Variants in RBFOX1 observed in about 807,000 individuals in gnomAD.
RBFOX1 encodes the protein RNA binding protein fox-1 homolog 1.
In RBFOX1, 8 loss-of-function variants were observed where a neutral mutation model predicts 57.7. That is an observed-to-expected ratio of 0.14 (90% CI 0.08 to 0.25). The LOEUF is 0.25. Among genes scored for constraint, RBFOX1 ranks in the 10% least tolerant of loss-of-function variants. RBFOX1 has a pLI of 1.00. For missense variants in RBFOX1, 611 were observed against 548.5 expected, an observed-to-expected ratio of 1.11 and a Z score of -1.14; for synonymous variants, 326 against 222.4, an observed-to-expected ratio of 1.47 and a Z score of -4.15.
At chr16:5,451,533 A>G (rs2068425903) in intron 1 of RBFOX1, among the ~76,000 whole-genome samples, 1 of 152,232 alleles carries the variant, frequency 6.6e-6, no homozygotes, top group African/African-American at 2.4e-5. Flanking sequence ...AGAGGACTCA[A>G]AGATGGAAGG....
chr16:7,139,265 A>T (rs2152083067), intron 4 of RBFOX1, among the ~76,000 whole-genome samples: 1 of 151,436 alleles, frequency 6.6e-6, no homozygotes, highest in Non-Finnish European at 1.5e-5. Context: ...TATTTTCATT[A>T]TAGCTACTCT....
intron 3 of RBFOX1, among the ~76,000 whole-genome samples, chr16:6,812,362 G>A (rs1488500606): frequency 1.3e-5 from 2 of 151,958 alleles, no homozygotes; most frequent in Admixed American, 6.6e-5. Flanking sequence ...GCAAAGTTTT[G>A]GTTCAGTTTC....
intron 1 of RBFOX1, among the ~76,000 whole-genome samples, chr16:6,134,142 G>T (rs868680595): frequency 2.2e-4 from 33 of 151,892 alleles, no homozygotes; most frequent in African/African-American, 8.0e-4. Flanking sequence ...TCACCATGTT[G>T]GCCAGGCTGG....
At chr16:6,637,564 T>TCTATATAGTATATATAGAATAC (rs756936561) in intron 2 of RBFOX1, among the ~76,000 whole-genome samples, 1 of 128,474 alleles carries the variant, frequency 7.8e-6, no homozygotes, top group Non-Finnish European at 1.6e-5. Context: ...ATATATAATA[T>TCTATATAGTATATATAGAATAC]TCTATATAGT....
intron 4 of RBFOX1, among the ~76,000 whole-genome samples, chr16:7,259,353 G>T (rs576117141): frequency 6.6e-6 from 1 of 152,072 alleles, no homozygotes; most frequent in Non-Finnish European, 1.5e-5. Context: ...AACCAAAAGC[G>T]AATGGGTTCC....
intron 3 of RBFOX1, among the ~76,000 whole-genome samples, chr16:7,047,889 TA>T (rs1215299485): frequency 6.6e-6 from 1 of 151,996 alleles, no homozygotes; most frequent in Non-Finnish European, 1.5e-5. Context: ...ATTAATTAAT[TA>T]TTTTTTTTGA....
intron 4 of RBFOX1, among the ~76,000 whole-genome samples, chr16:7,108,200 G>C (rs2151509275): frequency 6.6e-6 from 1 of 152,226 alleles, no homozygotes; most frequent in Non-Finnish European, 1.5e-5. Flanking sequence ...AACAGTCTCT[G>C]GGTCATCATG....
chr16:5,577,685 G>A (rs534156139), intron 2 of RBFOX1, among the ~76,000 whole-genome samples: 1 of 152,172 alleles, frequency 6.6e-6, no homozygotes, highest in African/African-American at 2.4e-5. Flanking sequence ...TGACTGTGCT[G>A]TACATTACAT....
rs1255508106 is a variant in RBFOX1 at position 6,976,688 on chromosome 16, CTATAGCATACATATCA to C, written c.-15-75348_-15-75333del. ...GATATATATATCATATATATCATAC[CTATAGCATACATATCA>C]TATAGCATACATATCATATATATCA... is the stretch of plus-strand genomic sequence containing the variant. On this transcript the variant is annotated intron_variant, in intron 3 of 15. Coordinates refer to ENST00000550418, the MANE Select transcript of RBFOX1 (RefSeq NM_018723.4). Among the ~76,000 whole-genome samples the C allele has an allele frequency of 1.2e-3, 182 of 148,224 alleles. 1 individual carries two copies. The highest frequency in any genetic ancestry group is 4.3e-3 in the Admixed American group (63 of 14,688).
intron 1 of RBFOX1, among the ~76,000 whole-genome samples, chr16:5,389,517 C>A (rs1468415784): frequency 3.3e-5 from 5 of 152,038 alleles, no homozygotes; most frequent in African/African-American, 1.2e-4. Flanking sequence ...CAAAGTCACT[C>A]CAGCTGAAAA....
intron 2 of RBFOX1, among the ~76,000 whole-genome samples, chr16:5,507,260 A>C (rs2043411255): frequency 6.6e-6 from 1 of 152,136 alleles, no homozygotes; most frequent in South Asian, 2.1e-4. Flanking sequence ...TGCTATTATT[A>C]TACCATTTGC....
chr16:5,599,096 G>T (rs1484045784), exon 3 of RBFOX1: 2 of 867,240 alleles, frequency 2.3e-6, no homozygotes, highest in Non-Finnish European at 3.7e-6. Context: ...AATTAACTGG[G>T]TTTGAGGGGA....
intron 2 of RBFOX1, among the ~76,000 whole-genome samples, chr16:6,527,355 C>T (rs2096595339): frequency 6.6e-6 from 1 of 151,888 alleles, no homozygotes; most frequent in South Asian, 2.1e-4. Flanking sequence ...TGTATCCTCT[C>T]CTTCCTTCCT....
intron 2 of RBFOX1, among the ~76,000 whole-genome samples, chr16:6,388,132 A>T (rs1199342196): frequency 6.6e-6 from 1 of 151,730 alleles, no homozygotes; most frequent in Non-Finnish European, 1.5e-5. Flanking sequence ...GGTGCATGCT[A>T]ATTTTTTGTA....
intron 2 of RBFOX1, among the ~76,000 whole-genome samples, chr16:6,409,124 A>T (rs2093377081): frequency 6.6e-6 from 1 of 152,222 alleles, no homozygotes; most frequent in African/African-American, 2.4e-5. Context: ...TATAACAAAT[A>T]AAAGTTTACT....
At chr16:5,715,654 T>A (rs4786768) in intron 3 of RBFOX1, among the ~76,000 whole-genome samples, 82,585 of 152,048 alleles carry the variant, frequency 0.54, 25,999 homozygotes, top group Non-Finnish European at 0.72. Context: ...GGTCAAGGCA[T>A]GAAGGCTAAA....
At position 6,658,950 on chromosome 16, in the gene RBFOX1, T is replaced by G. The variant is rs552285323; in HGVS notation, c.-16+4300T>G. On this transcript the variant is annotated intron_variant, in intron 3 of 15. Transcript: ENST00000550418. ...TTGGTTTTTTTGTTTTTTTTGTTTT[T>G]TTTTTTCCTCCTGCAGGTGAACGTT... Among the ~76,000 whole-genome samples the G allele has an allele frequency of 2.9e-4, 44 of 151,550 alleles. 1 individual carries two copies. Among genetic ancestry groups the G allele is most frequent in the Admixed American group, 1.4e-3 (22 of 15,226 alleles).
chr16:7,658,999 A>C (rs564886201), intron 12 of RBFOX1, among the ~76,000 whole-genome samples: 32 of 152,324 alleles, frequency 2.1e-4, no homozygotes, highest in Admixed American at 1.9e-3. Flanking sequence ...TGCTGGGATT[A>C]CAGGCATGTG....
chr16:6,328,699 A>G (rs570050463), intron 2 of RBFOX1, among the ~76,000 whole-genome samples: 3 of 152,236 alleles, frequency 2.0e-5, no homozygotes, highest in East Asian at 1.9e-4. Flanking sequence ...GGATGGCAAT[A>G]GGAAACCATA....
Sources: gnomAD v4.1 joint callset for allele counts (sites outside exome capture counted in the v4.1 genomes callset) on GRCh38, gnomAD v4.1.1 for gene constraint, MANE v1.5 for transcripts, NCBI Gene and HGNC (gene_info 2026-07-23, HGNC 2026-07-21) for gene names.